Variants in SYNDIG1L observed in about 807,000 individuals in gnomAD.
SYNDIG1L encodes synapse differentiation-inducing gene protein 1-like.
Under a neutral mutation model 20.1 loss-of-function variants are expected in SYNDIG1L, and 13 were observed. That is an observed-to-expected ratio of 0.65 (90% confidence interval 0.42 to 1.03). The LOEUF (loss-of-function observed/expected upper bound fraction) is 1.03. Ranked by LOEUF, SYNDIG1L falls within the 50% of genes least tolerant of loss-of-function variation. SYNDIG1L has a pLI of 0.00. For synonymous variants in SYNDIG1L, 128 were observed against 129.3 expected (o/e 0.99, Z 0.07); for missense variants, 294 against 305.1 (o/e 0.96, Z 0.27).
the SYNDIG1L span, among the ~76,000 whole-genome samples, chr14:74,453,571 C>A: frequency 6.6e-6 from 1 of 151,846 alleles, no homozygotes; most frequent in Non-Finnish European, 1.5e-5. Context: ...TAGCACATCG[C>A]ACACCTTAAA....
chr14:74,426,811 G>A (rs1236199553), upstream of SYNDIG1L, among the ~76,000 whole-genome samples: 1 of 147,726 alleles, frequency 6.8e-6, no homozygotes, highest in African/African-American at 2.5e-5. Context: ...GAGATTCAGT[G>A]CTGTGCTGGG....
chr14:74,446,081 A>G, the SYNDIG1L span, among the ~76,000 whole-genome samples: 3 of 152,198 alleles, frequency 2.0e-5, no homozygotes, highest in Non-Finnish European at 2.9e-5. Flanking sequence ...AATTCTGGAT[A>G]AAATATTTTT....
the SYNDIG1L span, among the ~76,000 whole-genome samples, chr14:74,434,054 CATATA>C: frequency 1.1e-3 from 162 of 151,986 alleles, no homozygotes; most frequent in African/African-American, 3.5e-3. Context: ...CAAAATTGCA[CATATA>C]ATATAACAAC....
chr14:74,464,935 G>A, the SYNDIG1L span, among the ~76,000 whole-genome samples: 7 of 148,158 alleles, frequency 4.7e-5, no homozygotes, highest in South Asian at 2.3e-4. Flanking sequence ...CCCAGCCCCC[G>A]CACCCCACCC....
the SYNDIG1L span, among the ~76,000 whole-genome samples, chr14:74,441,599 G>A: frequency 2.0e-5 from 3 of 152,070 alleles, no homozygotes; most frequent in Admixed American, 2.0e-4. Context: ...TCGAATTCCT[G>A]GGCTCAAGTG....
chr14:74,473,325 C>A, the SYNDIG1L span, among the ~76,000 whole-genome samples: 1 of 152,084 alleles, frequency 6.6e-6, no homozygotes, highest in Non-Finnish European at 1.5e-5. Flanking sequence ...GCGGAGGTTG[C>A]AGTGAGATGA....
intron 2 of SYNDIG1L, among the ~76,000 whole-genome samples, chr14:74,408,212 G>C (rs1006087820): frequency 2.0e-5 from 3 of 152,178 alleles, no homozygotes; most frequent in African/African-American, 4.8e-5. Context: ...GAGGAAAGAA[G>C]GTAAATACCT....
At chr14:74,447,586 C>CAA in the SYNDIG1L span, among the ~76,000 whole-genome samples, 45 of 131,594 alleles carry the variant, frequency 3.4e-4, no homozygotes, top group African/African-American at 9.3e-4. Context: ...AACTCTGTCT[C>CAA]AAAAAAAAAA....
At chr14:74,459,279 G>T in the SYNDIG1L span, among the ~76,000 whole-genome samples, 1 of 152,276 alleles carries the variant, frequency 6.6e-6, no homozygotes, top group East Asian at 1.9e-4. Context: ...ACTTTGGGAG[G>T]CTGAGGCGGG....
chr14:74,474,806 A>C, the SYNDIG1L span: 1 of 152,044 alleles, frequency 6.6e-6, no homozygotes, highest in Non-Finnish European at 1.5e-5. Flanking sequence ...GCCCACTGTT[A>C]CTCTTTTCTT....
rs3047686 is a variant in SYNDIG1L, at chr14:74,413,776, T to TCACA, written c.-57-3979_-57-3976dup. On this transcript the variant is annotated intron_variant, in intron 1 of 3. Coordinates refer to ENST00000331628, the MANE Select transcript of SYNDIG1L (RefSeq NM_001105579.2). ...AAAGCCTGCCCCCTCACATATACAC[T>TCACA]CACACACACACACACACACAGACAC... Among the ~76,000 whole-genome samples, 203 of 150,148 alleles carry TCACA rather than the reference T, an allele frequency of 1.4e-3. 3 individuals are homozygous for TCACA. The highest frequency in any genetic ancestry group is 9.8e-3 in the East Asian group (50 of 5,080).
chr14:74,460,813 T>TA, the SYNDIG1L span, among the ~76,000 whole-genome samples: 2 of 152,168 alleles, frequency 1.3e-5, no homozygotes, highest in African/African-American at 4.8e-5. Flanking sequence ...AATGCCGGGC[T>TA]AATTTTTGTA....
intron 1 of SYNDIG1L, among the ~76,000 whole-genome samples, chr14:74,415,060 G>C (rs1054172596): frequency 6.6e-6 from 1 of 152,164 alleles, no homozygotes; most frequent in Admixed American, 6.5e-5. Context: ...AAACCTCAGG[G>C]CTGGGGGTGA....
At chr14:74,436,546 T>C in the SYNDIG1L span, among the ~76,000 whole-genome samples, 4 of 151,872 alleles carry the variant, frequency 2.6e-5, no homozygotes, top group African/African-American at 9.7e-5. Flanking sequence ...GCCAACCCAC[T>C]CACCATTAAA....
At chr14:74,445,589 C>A in the SYNDIG1L span, among the ~76,000 whole-genome samples, 2 of 152,240 alleles carry the variant, frequency 1.3e-5, no homozygotes, top group East Asian at 1.9e-4. Context: ...ATTCTCCTGC[C>A]TCAGCCTCCT....
At chr14:74,479,111 G>C in the SYNDIG1L span, 5 of 152,168 alleles carry the variant, frequency 3.3e-5, no homozygotes, top group African/African-American at 1.2e-4. Flanking sequence ...GACTCAATGT[G>C]GCAGGATACA....
At chr14:74,436,876 T>C in the SYNDIG1L span, among the ~76,000 whole-genome samples, 5 of 142,680 alleles carry the variant, frequency 3.5e-5, 1 homozygote, top group Non-Finnish European at 7.6e-5. Flanking sequence ...AAAGCTCAGC[T>C]CAGGGGTTTC....
chr14:74,446,823 G>A, the SYNDIG1L span, among the ~76,000 whole-genome samples: 3 of 152,116 alleles, frequency 2.0e-5, no homozygotes, highest in African/African-American at 7.2e-5. Context: ...CACCATGTTG[G>A]TCAGGCTGGT....
At chr14:74,440,517 A>T in the SYNDIG1L span, among the ~76,000 whole-genome samples, 1 of 34,618 alleles carries the variant, frequency 2.9e-5, no homozygotes, top group Non-Finnish European at 5.4e-5. Flanking sequence ...TCCGTCTCAT[A>T]AAAAAAAAAA....
Sources: gnomAD v4.1 joint callset for allele counts (sites outside exome capture counted in the v4.1 genomes callset) on GRCh38, gnomAD v4.1.1 for gene constraint, MANE v1.5 for transcripts, NCBI Gene and HGNC (gene_info 2026-07-23, HGNC 2026-07-21) for gene names.